Variants in GULP1 observed in about 807,000 individuals in gnomAD.
The protein encoded by GULP1 is PTB domain-containing engulfment adapter protein 1.
GULP1 carries 19 observed loss-of-function variants against 40.9 expected under a neutral mutation model. The ratio of observed to expected loss-of-function variants is 0.46; its 90% CI spans 0.32 to 0.68. The LOEUF (loss-of-function observed/expected upper bound fraction) is 0.68. Ranked by LOEUF, GULP1 falls within the 30% of genes least tolerant of loss-of-function variation. GULP1 has a pLI of 0.03. For missense variants in GULP1, 312 were observed against 362.2 expected (o/e 0.86, Z 1.12); for synonymous variants, 119 against 117.6 (o/e 1.01, Z -0.08).
chr2:188,521,584 C>T (rs958772037), intron 4 of GULP1, among the ~76,000 whole-genome samples: 2 of 152,020 alleles, frequency 1.3e-5, no homozygotes. Flanking sequence ...AGGGAATACC[C>T]CTTCATAAAA....
chr2:188,549,569 A>C (rs1337499381), intron 7 of GULP1, among the ~76,000 whole-genome samples: 2 of 152,010 alleles, frequency 1.3e-5, no homozygotes, highest in African/African-American at 4.8e-5. Flanking sequence ...GCCATTCAGG[A>C]AAAACAGTTT....
At chr2:188,454,087 T>C (rs1327748855) in intron 2 of GULP1, among the ~76,000 whole-genome samples, 2 of 152,200 alleles carry the variant, frequency 1.3e-5, no homozygotes, top group Non-Finnish European at 2.9e-5. Context: ...GGAGGTACCC[T>C]GCCCACTCAG....
chr2:188,541,149 T>C (rs1312339907), intron 6 of GULP1, 32 bp from the exon 7 acceptor site: 11 of 1,587,542 alleles, frequency 6.9e-6, no homozygotes, highest in African/African-American at 2.7e-5. Context: ...AAGAATCCCA[T>C]CAACTATGTT....
rs1018557665 is a variant in GULP1 at position 188,483,916 on chromosome 2, A to T, written c.90+424A>T. On this transcript the variant is annotated intron_variant, in intron 4 of 11. Coordinates refer to ENST00000409830, the MANE Select transcript of GULP1 (RefSeq NM_016315.4). ...ATTCAAGAAAAAAGGAACAAAGTTT[A>T]AATTTTTATTTTATTTTATTTTATT... 2.0e-5 allele frequency among the ~76,000 whole-genome samples: 3 copies of T among 152,232 alleles called. No homozygotes were observed. In the South Asian group the frequency reaches 6.2e-4, roughly 32 times the overall value.
intron 9 of GULP1, among the ~76,000 whole-genome samples, chr2:188,582,976 T>C (rs538597416): frequency 6.6e-6 from 1 of 152,254 alleles, no homozygotes; most frequent in Middle Eastern, 3.4e-3. Flanking sequence ...AAAAACAGAA[T>C]AGAGGCTGGA....
At chr2:188,353,117 T>C (rs1229136118) in intron 1 of GULP1, among the ~76,000 whole-genome samples, 2 of 152,166 alleles carry the variant, frequency 1.3e-5, no homozygotes, top group East Asian at 1.9e-4. Flanking sequence ...ACACATTCTT[T>C]GAGTATTTAC....
intron 1 of GULP1, among the ~76,000 whole-genome samples, chr2:188,305,436 T>C (rs1167487388): frequency 6.6e-6 from 1 of 152,220 alleles, no homozygotes; most frequent in East Asian, 1.9e-4. Flanking sequence ...CTGTTCAGAC[T>C]TTTCTTGGCC....
chr2:188,449,536 C>A (rs1471489352), intron 2 of GULP1, among the ~76,000 whole-genome samples: 2 of 152,158 alleles, frequency 1.3e-5, no homozygotes, highest in African/African-American at 4.8e-5. Flanking sequence ...CGGTTTATAA[C>A]AGTATCAGGA....
chr2:188,475,024 A>T (rs2060894846), intron 2 of GULP1, among the ~76,000 whole-genome samples: 1 of 152,212 alleles, frequency 6.6e-6, no homozygotes, highest in Non-Finnish European at 1.5e-5. Context: ...ACATTAAAAC[A>T]TGCATTATTA....
intron 2 of GULP1, among the ~76,000 whole-genome samples, chr2:188,388,179 A>G (rs536781102): frequency 2.7e-4 from 41 of 151,906 alleles, no homozygotes; most frequent in South Asian, 8.3e-4. Flanking sequence ...ATGATTTCCA[A>G]TTTCATCCAT....
At chr2:188,554,078 A>G (rs1333932773) in intron 7 of GULP1, among the ~76,000 whole-genome samples, 35 of 151,650 alleles carry the variant, frequency 2.3e-4, no homozygotes, top group Admixed American at 2.2e-3. Flanking sequence ...TCTCAATTTT[A>G]CTTATTTCAA....
intron 2 of GULP1, among the ~76,000 whole-genome samples, chr2:188,426,785 T>C (rs965857129): frequency 6.6e-6 from 1 of 152,182 alleles, no homozygotes; most frequent in African/African-American, 2.4e-5. Flanking sequence ...GTTATAAAGA[T>C]ACCTGAAAAT....
At chr2:188,379,844 G>C (rs2048786996) in intron 1 of GULP1, among the ~76,000 whole-genome samples, 1 of 152,092 alleles carries the variant, frequency 6.6e-6, no homozygotes, top group East Asian at 1.9e-4. Flanking sequence ...CTGTGCCCTT[G>C]CTTATGGTGT....
Position 188,558,507 on chromosome 2 carries a change from A to G in GULP1, c.400-10732A>G, listed in dbSNP as rs148736354. On this transcript the variant is annotated intron_variant, in intron 7 of 11. Transcript: ENST00000409830. ...GTCTTTATCAGCAGCATGAAAACAGACTAATAGTGTAAATTGGTACCAGTA... is the reference window on the plus strand; with the variant it reads ...GTCTTTATCAGCAGCATGAAAACAGGCTAATAGTGTAAATTGGTACCAGTA... 3.8e-3 allele frequency among the ~76,000 whole-genome samples: 582 copies of G among 152,266 alleles called. 3 individuals are homozygous for G. The highest frequency in any genetic ancestry group is 6.0e-3 in the Non-Finnish European group (406 of 68,014).
chr2:188,569,048 G>T (rs531397344), intron 7 of GULP1, among the ~76,000 whole-genome samples, 191 bp from the exon 8 acceptor site: 1 of 152,150 alleles, frequency 6.6e-6, no homozygotes, highest in African/African-American at 2.4e-5. Flanking sequence ...TGTTGTGCCT[G>T]GGTAGGTGTT....
At chr2:188,580,932 T>C (rs1221521087) in intron 9 of GULP1, among the ~76,000 whole-genome samples, 6 of 152,238 alleles carry the variant, frequency 3.9e-5, no homozygotes, top group Non-Finnish European at 5.9e-5. Flanking sequence ...CAGAATCTTA[T>C]GTGCGATCTT....
At chr2:188,521,926 A>T (rs1370151996) in intron 4 of GULP1, among the ~76,000 whole-genome samples, 1 of 152,096 alleles carries the variant, frequency 6.6e-6, no homozygotes, top group East Asian at 1.9e-4. Flanking sequence ...AATACAAAAA[A>T]TGAGCCAGGC....
At chr2:188,331,196 T>G (rs1391025040) in intron 1 of GULP1, among the ~76,000 whole-genome samples, 1 of 152,170 alleles carries the variant, frequency 6.6e-6, no homozygotes, top group Non-Finnish European at 1.5e-5. Context: ...TCTTAGGATC[T>G]TACAGTTGAG....
chr2:188,511,642 T>G (rs1217599509), intron 4 of GULP1, among the ~76,000 whole-genome samples: 1 of 152,186 alleles, frequency 6.6e-6, no homozygotes, highest in Non-Finnish European at 1.5e-5. Flanking sequence ...CACAGTTTCT[T>G]GTTTATAGCA....
Sources: allele counts gnomAD v4.1 joint callset (sites outside exome capture counted in the v4.1 genomes callset), GRCh38; gene constraint gnomAD v4.1.1; transcripts MANE v1.5; gene names NCBI Gene and HGNC (gene_info 2026-07-23, HGNC 2026-07-21).